The following PXK variants were observed in gnomAD, a reference collection of about 807,000 sequenced individuals.
PXK encodes the protein PX domain-containing protein kinase-like protein.
In PXK, 35 loss-of-function variants were observed where a neutral mutation model predicts 84.7. That is an observed-to-expected ratio of 0.41 (90% CI 0.32 to 0.55). The LOEUF (loss-of-function observed/expected upper bound fraction) is 0.55. Ranked by LOEUF, PXK falls within the 20% of genes least tolerant of loss-of-function variation. The probability of loss-of-function intolerance (pLI) is 0.21; values close to 1 mark genes in which losing one functional copy is unlikely to be tolerated. For synonymous variants in PXK, 253 were observed against 260.8 expected, an observed-to-expected ratio of 0.97 and a Z score of 0.29; for missense variants, 634 against 699.7, an observed-to-expected ratio of 0.91 and a Z score of 1.06.
Position 58,380,130 on chromosome 3 carries a change from T to C in PXK, c.202-2384T>C, listed in dbSNP as rs6804460. 2.0e-5 allele frequency among the ~76,000 whole-genome samples: 3 copies of C among 151,972 alleles called. 1 individual carries two copies. The East Asian group carries it at 5.8e-4, about 29-fold the overall frequency. ...CCTAACAATACAATAAAAGGCCAAA[T>C]AACTTAAGGAGATTAGTTTTTAGTT... On this transcript the variant is annotated intron_variant, in intron 3 of 17. Coordinates refer to ENST00000356151, the MANE Select transcript of PXK (RefSeq NM_017771.5).
chr3:58,338,350 C>T (rs950788212), intron 1 of PXK, among the ~76,000 whole-genome samples: 6 of 148,758 alleles, frequency 4.0e-5, no homozygotes, highest in Admixed American at 1.3e-4. Flanking sequence ...AGGCCAGGCG[C>T]GGTGGCTCAT....
At chr3:58,424,417 T>C (rs565029357) in intron 17 of PXK, among the ~76,000 whole-genome samples, 1 of 152,340 alleles carries the variant, frequency 6.6e-6, no homozygotes, top group Non-Finnish European at 1.5e-5. Flanking sequence ...AACTGATAGA[T>C]GGAACTCTTC....
chr3:58,336,958 C>T (rs762604097), intron 1 of PXK, among the ~76,000 whole-genome samples: 4 of 152,152 alleles, frequency 2.6e-5, no homozygotes, highest in African/African-American at 9.7e-5. Flanking sequence ...TACAGGTATG[C>T]ACCACCATGC....
chr3:58,338,420 C>T (rs539740250), intron 1 of PXK, among the ~76,000 whole-genome samples: 10 of 151,362 alleles, frequency 6.6e-5, no homozygotes, highest in African/African-American at 1.9e-4. Context: ...GTCAGAAGTT[C>T]GAGAACAGCC....
chr3:58,373,071 A>AGTCCGTCAT, intron 3 of PXK, among the ~76,000 whole-genome samples: 1 of 148,614 alleles, frequency 6.7e-6, no homozygotes, highest in South Asian at 2.2e-4. Flanking sequence ...TGAGACCTTG[A>AGTCCGTCAT]GTCCGTCATT....
At position 58,400,638 on chromosome 3, in the gene PXK, C is replaced by T. The variant is rs1452667320; in HGVS notation, c.1181+1261C>T. Among the ~76,000 whole-genome samples the T allele has an allele frequency of 6.6e-6, 1 of 152,190 alleles. No homozygotes were observed. Among genetic ancestry groups the T allele is most frequent in the Non-Finnish European group, 1.5e-5 (1 of 68,032 alleles). ...TAATAATGTAATAATGTGGGCCGGGCAGTGGCTCATGCCTATAATCCCAGC... is the reference window on the plus strand; with the variant it reads ...TAATAATGTAATAATGTGGGCCGGGTAGTGGCTCATGCCTATAATCCCAGC... On this transcript the variant is annotated intron_variant, in intron 12 of 17. Transcript: ENST00000356151. This position sits in a 1 kb window ranked among gnomAD's most constrained non-coding sequence, Gnocchi z 4.0.
intron 9 of PXK, 109 bp from the exon 10 acceptor site, chr3:58,396,930 T>C (rs1467810912): frequency 3.4e-6 from 4 of 1,173,060 alleles, no homozygotes; most frequent in Admixed American, 2.4e-5. Flanking sequence ...ATCTTCTCAG[T>C]GACCTGTTTG....
At position 58,397,766 on chromosome 3, in the gene PXK, G is replaced by T; in HGVS notation, c.1102+44G>T. 1 of 1,451,616 alleles carries T rather than the reference G, an allele frequency of 6.9e-7. No homozygotes were observed. The highest frequency in any genetic ancestry group is 9.7e-7 in the Non-Finnish European group (1 of 1,034,272). 89.9% of individuals were successfully genotyped at this position (1,451,616 alleles called of 1,614,324 possible). A position where few individuals can be genotyped will look rare whatever the true frequency, so the allele number is the denominator to read the frequency against. On this transcript the variant is annotated intron_variant, in intron 11 of 17. Coordinates refer to ENST00000356151, the MANE Select transcript of PXK (RefSeq NM_017771.5). The surrounding 1 kb of genome is among the most constrained non-coding windows in gnomAD (Gnocchi z 4.7). ...AGGGTCTTCTGGGCCCTAGTAGTGT[G>T]CAGAGCCACTCATCCCCTTTCCAGA... is the stretch of plus-strand genomic sequence containing the variant.
At chr3:58,382,783 G>A in intron 4 of PXK, 83 bp downstream of exon 4, 3 of 1,092,812 alleles carry the variant, frequency 2.7e-6, no homozygotes, top group South Asian at 2.6e-5. Flanking sequence ...TGGGAGAAAT[G>A]TTTTCTCAAA....
chr3:58,425,126 T>A lies in PXK; in HGVS notation c.*166T>A. 1 of 1,074,476 alleles carries A rather than the reference T, an allele frequency of 9.3e-7. No individual in the cohort carries two copies. Among genetic ancestry groups the A allele is most frequent in the Non-Finnish European group, 1.3e-6 (1 of 760,938 alleles). 66.6% of individuals were successfully genotyped at this position (1,074,476 alleles called of 1,614,324 possible). A position where few individuals can be genotyped will look rare whatever the true frequency, so the allele number is the denominator to read the frequency against. On this transcript the variant is annotated 3_prime_UTR_variant, in exon 18 of 18. Transcript: ENST00000356151. ...CAGCTTTTCGAGAGAAATAATTCTT[T>A]AAGCAGAATAAAGTTAGGCTGGCAT... is the stretch of plus-strand genomic sequence containing the variant.
In PXK at chr3:58,395,065, T is replaced by C; in HGVS notation, c.683T>C (p.Phe228Ser). 6.2e-7 allele frequency: 1 copy of C among 1,613,532 alleles called. No homozygotes were observed. Among genetic ancestry groups the C allele is most frequent in the Non-Finnish European group, 8.5e-7 (1 of 1,179,460 alleles). ...TCCTCAGCGTTGCTAATTAGGATGTTTAACGAAAAGGGAACATTGAAGGAT... is the reference window on the plus strand; with the variant it reads ...TCCTCAGCGTTGCTAATTAGGATGTCTAACGAAAAGGGAACATTGAAGGAT... ...NESSALLIRM[F>S]NEKGTLKDLI... Residue 228 changes from phenylalanine (F) to serine (S), a missense_variant, in exon 8 of 18, where the codon TTT (phenylalanine) becomes TCT (serine). Coordinates refer to ENST00000356151, the MANE Select transcript of PXK (RefSeq NM_017771.5).
rs147051547 is a variant in PXK at position 58,360,080 on chromosome 3, C to T, written c.103-5794C>T. Among the ~76,000 whole-genome samples the T allele has an allele frequency of 2.9e-3, 436 of 152,066 alleles. 1 individual carries two copies. The highest frequency in any genetic ancestry group is 0.01 in the African/African-American group (420 of 41,448). ...GGAGGACTGCTTGAGCCCAGGAGGT[C>T]GAGGCCGCATGCCATTGTACTCTAG... On this transcript the variant is annotated intron_variant, in intron 1 of 17. Transcript: ENST00000356151.
chr3:58,407,853 G>A lies in PXK; in HGVS notation c.1231-1071G>A, dbSNP rs1238149501. Among the ~76,000 whole-genome samples, 2 of 152,170 alleles carry A rather than the reference G, an allele frequency of 1.3e-5. No individual in the cohort carries two copies. Among genetic ancestry groups the A allele is most frequent in the Non-Finnish European group, 2.9e-5 (2 of 68,034 alleles). ...ATTACAGGCGTGAGCCACCTTGCCC[G>A]GCTGCACCAAAGTTTTAAATTTTGA... On this transcript the variant is annotated intron_variant, in intron 13 of 17. Transcript: ENST00000356151. The surrounding 1 kb of genome is among the most constrained non-coding windows in gnomAD (Gnocchi z 4.3).
chr3:58,352,411 G>T (rs997004455), intron 1 of PXK, among the ~76,000 whole-genome samples: 1 of 152,186 alleles, frequency 6.6e-6, no homozygotes, highest in Non-Finnish European at 1.5e-5. Context: ...TTTCTATGTT[G>T]TTGTCTATTC....
intron 3 of PXK, among the ~76,000 whole-genome samples, chr3:58,373,457 A>G (rs2098406240): frequency 6.6e-6 from 1 of 152,204 alleles, no homozygotes; most frequent in East Asian, 1.9e-4. Context: ...GGTCTCTTAT[A>G]GCACAAATGT....
chr3:58,349,949 G>A (rs2097892004), intron 1 of PXK, among the ~76,000 whole-genome samples: 1 of 152,196 alleles, frequency 6.6e-6, no homozygotes, highest in Admixed American at 6.5e-5. Flanking sequence ...CTGAGTCCCA[G>A]AGCCTCTGTG....
chr3:58,423,386 T>C, intron 17 of PXK: 1 of 1,500,256 alleles, frequency 6.7e-7, no homozygotes, highest in Non-Finnish European at 9.0e-7. Context: ...TTAGTCTTTA[T>C]TTGTATTGCT....
At chr3:58,419,897 G>A (rs543972989) in intron 17 of PXK, among the ~76,000 whole-genome samples, 134 of 140,740 alleles carry the variant, frequency 9.5e-4, no homozygotes, top group Non-Finnish European at 1.6e-3. Flanking sequence ...TTTTTAAAAC[G>A]GCTTTATGGC....
chr3:58,409,512 C>T lies in PXK; in HGVS notation c.1309-20C>T, dbSNP rs1474683679. The T allele has an allele frequency of 4.4e-6, 7 of 1,605,042 alleles. No homozygotes were observed. Among genetic ancestry groups the T allele is most frequent in the Non-Finnish European group, 4.3e-6 (5 of 1,173,094 alleles). ...AGCTGCCTTATGTGGGATATGCTTACATCTTATGGTCTTTTAAAGATTCAC... is the reference window on the plus strand; with the variant it reads ...AGCTGCCTTATGTGGGATATGCTTATATCTTATGGTCTTTTAAAGATTCAC... On this transcript the variant is annotated intron_variant, in intron 14 of 17. Transcript: ENST00000356151. The surrounding 1 kb of genome is among the most constrained non-coding windows in gnomAD (Gnocchi z 4.2).
Sources: gnomAD v4.1 joint callset for allele counts (sites outside exome capture counted in the v4.1 genomes callset) on GRCh38, gnomAD v4.1.1 for gene constraint, Gnocchi (gnomAD v3.1) non-coding constraint, MANE v1.5 for transcripts, NCBI Gene and HGNC (gene_info 2026-07-23, HGNC 2026-07-21) for gene names.